The following ABCA12 variants were observed in gnomAD, a reference collection of about 807,000 sequenced individuals.
ABCA12 encodes ATP binding cassette subfamily A member 12.
ABCA12 carries 156 observed loss-of-function variants against 293.5 expected under a neutral mutation model. The ratio of observed to expected loss-of-function variants is 0.53; its 90% CI spans 0.47 to 0.61. The LOEUF (loss-of-function observed/expected upper bound fraction) is 0.61, where lower values mean the gene tolerates loss of function less well. Among genes scored for constraint, ABCA12 ranks in the 20% least tolerant of loss-of-function variants. The pLI is 0.00. For missense variants in ABCA12, 2,797 were observed against 3,090.2 expected, an observed-to-expected ratio of 0.91 and a Z score of 2.25; for synonymous variants, 1,063 against 1,108.0, an observed-to-expected ratio of 0.96 and a Z score of 0.81.
chr2:214,943,092 A>G, intron 49 of ABCA12, 75 bp from the exon 50 acceptor site: 1 of 1,136,488 alleles, frequency 8.8e-7, no homozygotes, highest in Non-Finnish European at 1.3e-6. Flanking sequence ...GCATAAGCAT[A>G]ATTGTTTCAT....
chr2:215,074,431 T>C (rs1417667198), intron 2 of ABCA12, among the ~76,000 whole-genome samples: 1 of 152,158 alleles, frequency 6.6e-6, no homozygotes, highest in Non-Finnish European at 1.5e-5. Context: ...TAGAAGGATT[T>C]TAGGAGGCTT....
chr2:215,001,574 G>A lies in ABCA12; in HGVS notation c.2847C>T (p.Ser949=), dbSNP rs1700146041. The A allele has an allele frequency of 1.2e-6, 2 of 1,613,628 alleles. No individual in the cohort carries two copies. Among genetic ancestry groups the A allele is most frequent in the African/African-American group, 2.7e-5 (2 of 75,010 alleles). The change falls in exon 21 of 53, where the codon AGC becomes AGT. Residue 949 remains serine, a synonymous_variant. Coordinates refer to ENST00000272895, the MANE Select transcript of ABCA12 (RefSeq NM_173076.3). The part of the protein sequence containing the change: ...MEREAKRLYK[S]NELFGSVIFK... ...AGCACTTACTTCCAAAGAGTTCGTT[G>A]CTTTTGTAGAGCCTTTTAGCCTCTC...
intron 50 of ABCA12, among the ~76,000 whole-genome samples, chr2:214,939,370 G>C (rs1300383720): frequency 6.6e-6 from 1 of 152,158 alleles, no homozygotes. Flanking sequence ...CTGTAGCCTT[G>C]TGGTATAGTT....
intron 2 of ABCA12, among the ~76,000 whole-genome samples, chr2:215,092,741 A>T (rs1702173046): frequency 6.6e-6 from 1 of 151,930 alleles, no homozygotes. Context: ...TATCAACCAA[A>T]TTGTCTTGCC....
At chr2:215,035,664 C>CAAAAAAAAAAAAAAAAAAAAAAAAAA (rs748783341) in intron 8 of ABCA12, 1 of 45,688 alleles carries the variant, frequency 2.2e-5, no homozygotes, top group African/African-American at 6.9e-5. Context: ...GACTCCATCT[C>CAAAAAAAAAAAAAAAAAAAAAAAAAA]AAAAAAAAAA....
Position 215,011,608 on chromosome 2 carries a change from T to C in ABCA12, c.2163A>G (p.Ser721=), listed in dbSNP as rs925989750. Residue 721 remains serine (S), a synonymous_variant, in exon 17 of 53, where the codon TCA becomes TCG. Transcript: ENST00000272895. ...ATAATGCTTGGGAGATGGTGCTAAA[T>C]GATCCTTGTGGTGTGTTCATTCGGT... ...RSNRMNTPQG[S]FSTISQALCS... 5 of 1,613,958 alleles carry C rather than the reference T, an allele frequency of 3.1e-6. No homozygotes were observed. In the African/African-American group the frequency reaches 6.7e-5, roughly 22 times the overall value.
intron 23 of ABCA12, among the ~76,000 whole-genome samples, chr2:214,992,743 C>G (rs1699946361): frequency 6.6e-6 from 1 of 151,888 alleles, no homozygotes; most frequent in Non-Finnish European, 1.5e-5. Context: ...TGCCTGTAAT[C>G]TCAGCTACTC....
chr2:214,933,406 G>A (rs935689267), intron 52 of ABCA12, among the ~76,000 whole-genome samples: 1 of 152,020 alleles, frequency 6.6e-6, no homozygotes, highest in Non-Finnish European at 1.5e-5. Flanking sequence ...AATGCCTAAA[G>A]CCCCACAAGA....
chr2:215,025,781 T>C lies in ABCA12; in HGVS notation c.1181-2A>G. On this transcript the variant is annotated splice_acceptor_variant, in intron 10 of 52. Transcript: ENST00000272895. LOFTEE classifies it high-confidence loss of function. ...TGGACTGCAGGAGTCTTAGATTTTC[T>C]GTAAAGGAAGGGAGAAGAGTTACTT... 6.2e-7 allele frequency: 1 copy of C among 1,603,516 alleles called. No homozygotes were observed. The highest frequency in any genetic ancestry group is 8.5e-7 in the Non-Finnish European group (1 of 1,170,652).
In ABCA12 at chr2:215,052,577, T is replaced by C; in HGVS notation, c.417A>G (p.Val139=). The C allele has an allele frequency of 6.2e-7, 1 of 1,611,994 alleles. No individual in the cohort carries two copies. The highest frequency in any genetic ancestry group is 8.5e-7 in the Non-Finnish European group (1 of 1,178,526). Residue 139 remains valine, a synonymous_variant, in exon 5 of 53, where the codon GTA becomes GTG. Transcript: ENST00000272895. ...PERRHASLAT[V]FPSPSSDLEI... ...CCAAATCAGAACTTGGACTGGGAAA[T>C]ACTGTGGCTGTAATCAAAGAAGGAA...
intron 11 of ABCA12, chr2:215,023,098 G>A (rs942993931): frequency 7.2e-5 from 11 of 152,186 alleles, no homozygotes; most frequent in East Asian, 3.9e-4. Context: ...TGAATAAAGC[G>A]TTAGATTGGG....
At chr2:215,004,346 G>T in intron 19 of ABCA12, 47 bp from the exon 20 acceptor site, 1 of 1,398,888 alleles carries the variant, frequency 7.1e-7, no homozygotes, top group Non-Finnish European at 1.0e-6. Flanking sequence ...GAAAAATCAT[G>T]TTTGACATTG....
At chr2:215,025,628 G>GTTTTTTTTTGTTTTTTTTTTTTTTTTTT in intron 11 of ABCA12, 45 bp downstream of exon 11, 1 of 1,203,812 alleles carries the variant, frequency 8.3e-7, no homozygotes, top group Non-Finnish European at 1.2e-6. Context: ...TTGTCTTTTT[G>GTTTTTTTTTGTTTTTTTTTTTTTTTTTT]TTTTTTTTTT....
In ABCA12 at chr2:214,954,010, G is replaced by T; in HGVS notation, c.6491C>A (p.Ser2164Ter). 6.2e-7 allele frequency: 1 copy of T among 1,614,054 alleles called. No homozygotes were observed. The highest frequency in any genetic ancestry group is 8.5e-7 in the Non-Finnish European group (1 of 1,179,994). Reference protein sequence around the residue: ...YGLIELSQQQSVLDFLKAYGV... With the variant: ...YGLIELSQQQ ...ATATGCTTTTAAGAAGTCTAGGACC[G>T]ACTGTTGTTGAGAAAGTTCAATCAA... Residue 2164 changes from serine to a stop codon, truncating the protein, a stop_gained, in exon 44 of 53, where the codon TCG becomes TAG. Transcript: ENST00000272895. LOFTEE classifies it high-confidence loss of function.
At chr2:214,956,865 C>T in intron 41 of ABCA12, 87 bp from the exon 42 acceptor site, 1 of 870,234 alleles carries the variant, frequency 1.1e-6, no homozygotes, top group Non-Finnish European at 1.9e-6. Context: ...TTTAAAACTG[C>T]AACAAGTTGA....
chr2:215,089,599 CA>C (rs1197520969), intron 2 of ABCA12, among the ~76,000 whole-genome samples: 2 of 152,134 alleles, frequency 1.3e-5, no homozygotes, highest in African/African-American at 4.8e-5. Flanking sequence ...CAAAAAGAAA[CA>C]AAGTCCATTA....
chr2:215,045,828 T>C lies in ABCA12; in HGVS notation c.872+9A>G. The stretch of plus-strand genomic sequence containing the variant: ...ACTAATATTACATTTAATTCTTACA[T>C]TTTCTTACCTGTTTGCCTTTCGAAG... On this transcript the variant is annotated intron_variant, in intron 7 of 52. Coordinates refer to ENST00000272895, the MANE Select transcript of ABCA12 (RefSeq NM_173076.3). 6.2e-7 allele frequency: 1 copy of C among 1,611,666 alleles called. No individual in the cohort carries two copies. The highest frequency in any genetic ancestry group is 8.5e-7 in the Non-Finnish European group (1 of 1,178,356).
Position 215,025,699 on chromosome 2 carries a change from G to A in ABCA12, c.1261C>T (p.Pro421Ser). 2 of 1,610,818 alleles carry A rather than the reference G, an allele frequency of 1.2e-6. No homozygotes were observed. Among genetic ancestry groups the A allele is most frequent in the Non-Finnish European group, 1.7e-6 (2 of 1,178,770 alleles). Residue 421 changes from proline to serine, a missense_variant, in exon 11 of 53, where the codon CCA becomes TCA. By Grantham distance (74) the Pro-to-Ser change is moderately conservative. Around this residue, in one of 3 missense-constraint regions of ABCA12, gnomAD observed 656 missense variants for 638.2 expected, o/e 1.03. Transcript: ENST00000272895. Reference protein sequence around the residue: ...RNGSYEDYFPPVPEVLKSKLS... With the variant: ...RNGSYEDYFPSVPEVLKSKLS... ...TTTGATTTTAGGACTTCAGGAACTG[G>A]AGGAAAGTAATCTTCATAGGAACCA...
chr2:215,061,158 G>A (rs181271552), intron 3 of ABCA12, among the ~76,000 whole-genome samples: 3 of 152,176 alleles, frequency 2.0e-5, no homozygotes, highest in East Asian at 3.9e-4. Context: ...GTGCAAATGA[G>A]CAAGAAAACC....
Sources: gnomAD v4.1 joint callset for allele counts (sites outside exome capture counted in the v4.1 genomes callset) on GRCh38, gnomAD v4.1.1 for gene constraint, gnomAD v4.1.1 regional missense constraint, MANE v1.5 for transcripts, NCBI Gene and HGNC (gene_info 2026-07-23, HGNC 2026-07-21) for gene names.